The following ZNF423 variants were observed in gnomAD, a reference collection of about 807,000 sequenced individuals.
The protein encoded by ZNF423 is Ebf-associated zinc finger protein.
In ZNF423, 12 loss-of-function variants were observed where a neutral mutation model predicts 95.8. The observed-to-expected ratio is 0.13, with a 90% CI of 0.08 to 0.20. The LOEUF is 0.20. Among genes scored for constraint, ZNF423 ranks in the 10% least tolerant of loss-of-function variants. ZNF423 has a pLI of 1.00. For missense variants in ZNF423, 1,316 were observed against 1,737.1 expected (o/e 0.76, Z 4.31); for synonymous variants, 749 against 711.9 (o/e 1.05, Z -0.83).
intron 3 of ZNF423, among the ~76,000 whole-genome samples, chr16:49,698,606 C>G (rs2032061058): frequency 1.3e-5 from 2 of 152,232 alleles, no homozygotes; most frequent in African/African-American, 4.8e-5. Flanking sequence ...AGGCCCTCAG[C>G]CCCTCACTTT....
At chr16:49,842,406 AAGGAAGGCAGGCAGGCAGGCAGGCAGGC>A (rs1283814603) in intron 1 of ZNF423, among the ~76,000 whole-genome samples, 3 of 88,404 alleles carry the variant, frequency 3.4e-5, no homozygotes, top group South Asian at 4.4e-4. Flanking sequence ...GGAAGGAAGG[AAGGAAGGCAGGCAGGCAGGCAGGCAGGC>A]AGGCAGGCAG....
At chr16:49,622,165 G>A (rs1057192225) in intron 5 of ZNF423, among the ~76,000 whole-genome samples, 6 of 152,274 alleles carry the variant, frequency 3.9e-5, no homozygotes, top group East Asian at 1.9e-4. Flanking sequence ...GCTAAGTCAC[G>A]CCAGGTGGGA....
At chr16:49,558,729 T>C (rs1009858058) in intron 5 of ZNF423, among the ~76,000 whole-genome samples, 5 of 152,192 alleles carry the variant, frequency 3.3e-5, no homozygotes, top group African/African-American at 1.2e-4. Flanking sequence ...ATTGCACATT[T>C]TGAGGACCCA....
chr16:49,700,212 A>C (rs149368697), intron 3 of ZNF423, among the ~76,000 whole-genome samples: 37 of 129,382 alleles, frequency 2.9e-4, no homozygotes, highest in Non-Finnish European at 4.8e-4. Flanking sequence ...AAAAAAAAAA[A>C]AAAAACAAGA....
intron 1 of ZNF423, chr16:49,827,073 A>AAT (rs1271330587): frequency 6.6e-6 from 1 of 152,170 alleles, no homozygotes; most frequent in Non-Finnish European, 1.5e-5. Context: ...CATTTTAAGG[A>AAT]CTTTACCATT....
chr16:49,822,036 G>T (rs1045790166), intron 1 of ZNF423, among the ~76,000 whole-genome samples: 5 of 152,166 alleles, frequency 3.3e-5, no homozygotes, highest in Admixed American at 3.3e-4. Flanking sequence ...CCGAAGATGA[G>T]TAAGAAGAAA....
chr16:49,856,660 G>A (rs1482394708), upstream of ZNF423, among the ~76,000 whole-genome samples: 1 of 149,834 alleles, frequency 6.7e-6, no homozygotes, highest in East Asian at 2.0e-4. Context: ...GGATCGGCCC[G>A]GCGCCGGCCC....
chr16:49,662,087 C>T (rs768983484), intron 3 of ZNF423, among the ~76,000 whole-genome samples: 2 of 152,190 alleles, frequency 1.3e-5, no homozygotes, highest in Admixed American at 6.5e-5. Flanking sequence ...GTGAGACCCC[C>T]GCCCTTGGGG....
chr16:49,759,118 G>T (rs1007874555), intron 2 of ZNF423, among the ~76,000 whole-genome samples: 1 of 151,974 alleles, frequency 6.6e-6, no homozygotes, highest in African/African-American at 2.4e-5. Flanking sequence ...TGCTGGCTGG[G>T]CATGGTGGCT....
chr16:49,847,133 A>G (rs2035254046), intron 1 of ZNF423: 1 of 152,274 alleles, frequency 6.6e-6, no homozygotes. Context: ...CGAAAGGGCA[A>G]ATTTCAATTA....
At chr16:49,825,867 G>A (rs565365625) in intron 1 of ZNF423, among the ~76,000 whole-genome samples, 7 of 152,196 alleles carry the variant, frequency 4.6e-5, no homozygotes, top group Admixed American at 2.6e-4. Flanking sequence ...CCTTTCCGAG[G>A]GACCAACAAG....
intron 7 of ZNF423, among the ~76,000 whole-genome samples, chr16:49,499,510 C>G (rs1337344720): frequency 6.6e-6 from 1 of 152,204 alleles, no homozygotes; most frequent in Non-Finnish European, 1.5e-5. Flanking sequence ...ACCTGAGTCA[C>G]CTGGGGTAAC....
At chr16:49,535,089 C>T (rs1406743405) in intron 5 of ZNF423, among the ~76,000 whole-genome samples, 2 of 152,224 alleles carry the variant, frequency 1.3e-5, no homozygotes, top group African/African-American at 4.8e-5. Context: ...CCCCCAACCC[C>T]TTGGCCCTTG....
chr16:49,617,275 G>A (rs1971910330), intron 5 of ZNF423, among the ~76,000 whole-genome samples: 1 of 152,188 alleles, frequency 6.6e-6, no homozygotes, highest in Non-Finnish European at 1.5e-5. Flanking sequence ...AGGCTCTGAA[G>A]CCCACTGGGT....
chr16:49,603,356 G>T lies in ZNF423; in HGVS notation c.3601+22814C>A, dbSNP rs1209132714. ...ACGTGTAATACATGCAGTCACACAGGTTCCTGAATTTAGAAAAGCCCAGCA... is the reference window on the plus strand; with the variant it reads ...ACGTGTAATACATGCAGTCACACAGTTTCCTGAATTTAGAAAAGCCCAGCA... On this transcript the variant is annotated intron_variant, in intron 5 of 7. Transcript: ENST00000563137. The surrounding 1 kb of genome is among the most constrained non-coding windows in gnomAD (Gnocchi z 4.1). Among the ~76,000 whole-genome samples the T allele has an allele frequency of 6.6e-6, 1 of 152,152 alleles. No homozygotes were observed. Among genetic ancestry groups the T allele is most frequent in the Admixed American group, 6.5e-5 (1 of 15,286 alleles).
At chr16:49,755,543 A>T (rs2033711160) in intron 2 of ZNF423, among the ~76,000 whole-genome samples, 1 of 152,158 alleles carries the variant, frequency 6.6e-6, no homozygotes. Flanking sequence ...ACATGCACAC[A>T]TTGTGGCTGC....
At chr16:49,678,958 C>G (rs905294433) in intron 3 of ZNF423, among the ~76,000 whole-genome samples, 1 of 152,236 alleles carries the variant, frequency 6.6e-6, no homozygotes, top group African/African-American at 2.4e-5. Context: ...CTGCCCTGAG[C>G]CTATCAGGCT....
chr16:49,595,623 C>T, intron 5 of ZNF423, among the ~76,000 whole-genome samples: 1 of 152,316 alleles, frequency 6.6e-6, no homozygotes, highest in East Asian at 1.9e-4. Context: ...AAACAGTAAA[C>T]TAAGAAATGA....
chr16:49,790,595 C>A (rs1331755032), intron 1 of ZNF423, among the ~76,000 whole-genome samples: 1 of 152,208 alleles, frequency 6.6e-6, no homozygotes, highest in East Asian at 1.9e-4. Flanking sequence ...GGCAGTGACC[C>A]CAACCCACCA....
Sources: allele counts gnomAD v4.1 joint callset (sites outside exome capture counted in the v4.1 genomes callset), GRCh38; gene constraint gnomAD v4.1.1; non-coding constraint Gnocchi (gnomAD v3.1); transcripts MANE v1.5; gene names NCBI Gene and HGNC (gene_info 2026-07-23, HGNC 2026-07-21).